The following GRIN1 variants were observed in gnomAD, a reference collection of about 807,000 sequenced individuals.
GRIN1 encodes the protein glutamate receptor ionotropic, NMDA 1.
A neutral mutation model predicts 103.0 loss-of-function variants in GRIN1; 38 were observed. That is an observed-to-expected ratio of 0.37 (90% CI 0.28 to 0.48). The LOEUF is 0.48. Among genes scored for constraint, GRIN1 ranks in the 20% least tolerant of loss-of-function variants. The pLI is 0.98. For synonymous variants in GRIN1, 544 were observed against 532.7 expected, an observed-to-expected ratio of 1.02 and a Z score of -0.29; for missense variants, 577 against 1,288.9, an observed-to-expected ratio of 0.45 and a Z score of 8.46.
intron 4 of GRIN1, among the ~76,000 whole-genome samples, chr9:137,155,638 C>T (rs1371664417): frequency 6.6e-6 from 1 of 152,218 alleles, no homozygotes; most frequent in Non-Finnish European, 1.5e-5. Context: ...GGAGACAGGT[C>T]AGGCCCTGCA....
Position 137,168,745 on chromosome 9 carries a change from G to T in GRIN1, c.*1218G>T. 1 of 820,330 alleles carries T rather than the reference G, an allele frequency of 1.2e-6. No individual in the cohort carries two copies. The highest frequency in any genetic ancestry group is 1.6e-6 in the Non-Finnish European group (1 of 622,342). The allele number at this position is 820,330 out of a possible 1,614,324, so 50.8% of individuals were successfully genotyped here. On this transcript the variant is annotated 3_prime_UTR_variant, in exon 20 of 20. Transcript: ENST00000371561. ...GTGTATGCAGTGGTGATGCCTAAAGGAATGTCACGCAGTTTTCGGTCTGTG... is the reference window on the plus strand; with the variant it reads ...GTGTATGCAGTGGTGATGCCTAAAGTAATGTCACGCAGTTTTCGGTCTGTG...
At chr9:137,150,191 C>T (rs1207897512) in intron 4 of GRIN1, among the ~76,000 whole-genome samples, 1 of 152,216 alleles carries the variant, frequency 6.6e-6, no homozygotes, top group Non-Finnish European at 1.5e-5. Flanking sequence ...CCACTCCACT[C>T]ATCCAACTGC....
chr9:137,161,290 C>G lies in GRIN1; in HGVS notation c.1341C>G (p.Pro447=). ...CAGTTACCGCCCGCACCTACCCAGC[C>G]CGCCACACGGTGCCTCAGTGTTGCT... ...TGPNDTSPGS[P]RHTVPQCCYG... is the part of the protein sequence containing the mutation. Residue 447 remains proline (P), a splice_region_variant and synonymous_variant, in exon 10 of 20, where the codon CCC becomes CCG. Coordinates refer to ENST00000371561, the MANE Select transcript of GRIN1 (RefSeq NM_007327.4). The G allele has an allele frequency of 1.9e-6, 3 of 1,612,378 alleles. No homozygotes were observed. Among genetic ancestry groups the G allele is most frequent in the Non-Finnish European group, 2.5e-6 (3 of 1,179,650 alleles).
intron 15 of GRIN1, 81 bp downstream of exon 15, chr9:137,163,084 C>A: frequency 6.4e-7 from 1 of 1,574,358 alleles, no homozygotes; most frequent in South Asian, 1.1e-5. Context: ...AGGAGAGCGT[C>A]CGGGCCGGGC....
At chr9:137,157,719 C>A (rs1475044138) in intron 6 of GRIN1, among the ~76,000 whole-genome samples, 2 of 152,234 alleles carry the variant, frequency 1.3e-5, no homozygotes, top group African/African-American at 2.4e-5. Context: ...AGCTCACCCC[C>A]AGATCCCCAA....
At chr9:137,147,749 G>A (rs1832630429) in intron 3 of GRIN1, among the ~76,000 whole-genome samples, 1 of 152,254 alleles carries the variant, frequency 6.6e-6, no homozygotes, top group Non-Finnish European at 1.5e-5. Context: ...GGGACATGGG[G>A]ACAGGCCCCG....
chr9:137,146,432 C>T lies in GRIN1; in HGVS notation c.570+530C>T, dbSNP rs1299363847. On this transcript the variant is annotated intron_variant, in intron 3 of 19. Coordinates refer to ENST00000371561, the MANE Select transcript of GRIN1 (RefSeq NM_007327.4). This position sits in a 1 kb window ranked among gnomAD's most constrained non-coding sequence, Gnocchi z 6.7. Reference sequence around the variant, plus strand: ...CAAAGCCCTGTCCACAGACACCTGCCCCCCAGCCTGGACCGCCCCTGTGGG... The same window carrying T: ...CAAAGCCCTGTCCACAGACACCTGCTCCCCAGCCTGGACCGCCCCTGTGGG... 6.6e-6 allele frequency among the ~76,000 whole-genome samples: 1 copy of T among 152,096 alleles called. No individual in the cohort carries two copies. The highest frequency in any genetic ancestry group is 2.1e-4 in the South Asian group (1 of 4,820).
intron 16 of GRIN1, 104 bp downstream of exon 16, chr9:137,163,434 A>G: frequency 1.4e-6 from 2 of 1,480,982 alleles, no homozygotes; most frequent in South Asian, 1.1e-5. Context: ...TTTCCCACCC[A>G]GGCCGGGCGC....
chr9:137,162,787 C>T (rs200076751), intron 14 of GRIN1, 48 bp downstream of exon 14: 44 of 1,602,376 alleles, frequency 2.7e-5, no homozygotes, highest in Admixed American at 8.6e-5. Flanking sequence ...GAGCTGGGGT[C>T]GGCCTCGGTT....
intron 4 of GRIN1, among the ~76,000 whole-genome samples, chr9:137,154,014 G>A (rs1193576562): frequency 6.6e-6 from 1 of 151,762 alleles, no homozygotes. Context: ...GTTTCACCAT[G>A]TTGGCCAGGC....
In GRIN1 at chr9:137,156,653, C is replaced by T. The variant is rs200190690; in HGVS notation, c.672-16C>T. The T allele has an allele frequency of 2.5e-6, 4 of 1,598,988 alleles. No homozygotes were observed. The highest frequency in any genetic ancestry group is 3.4e-6 in the Non-Finnish European group (4 of 1,174,520). ...AGTGCTGGAGTCCTGGCCCGTCATCCCCGTCTGCCCCACAGCGAGGACGAT... is the reference window on the plus strand; with the variant it reads ...AGTGCTGGAGTCCTGGCCCGTCATCTCCGTCTGCCCCACAGCGAGGACGAT... On this transcript the variant is annotated splice_polypyrimidine_tract_variant and intron_variant, in intron 4 of 19. Transcript: ENST00000371561.
Position 137,149,413 on chromosome 9 carries a change from G to A in GRIN1, c.671+304G>A, listed in dbSNP as rs142922263. Reference sequence around the variant, plus strand: ...AGAGACCCTGCCCTTGGGAAGCCCCGCAACTCAAGGGGGCAAACCTGTGCA... The same window carrying A: ...AGAGACCCTGCCCTTGGGAAGCCCCACAACTCAAGGGGGCAAACCTGTGCA... On this transcript the variant is annotated intron_variant, in intron 4 of 19. Coordinates refer to ENST00000371561, the MANE Select transcript of GRIN1 (RefSeq NM_007327.4). Among the ~76,000 whole-genome samples, 248 of 152,342 alleles carry A rather than the reference G, an allele frequency of 1.6e-3. 1 individual carries two copies. Among genetic ancestry groups the A allele is most frequent in the African/African-American group, 5.0e-3 (208 of 41,568 alleles).
intron 19 of GRIN1, 93 bp downstream of exon 19, chr9:137,165,389 CTCCT>C: frequency 2.4e-6 from 2 of 825,438 alleles, no homozygotes; most frequent in Non-Finnish European, 4.2e-6. Flanking sequence ...GGACCCTGGG[CTCCT>C]GTGGCCCACT....
In GRIN1 at chr9:137,161,146, C is replaced by G; in HGVS notation, c.1288C>G (p.Pro430Ala). 1 of 1,612,600 alleles carries G rather than the reference C, an allele frequency of 6.2e-7. No individual in the cohort carries two copies. The highest frequency in any genetic ancestry group is 1.1e-5 in the South Asian group (1 of 91,076). ...CKEEFTVNGD[P>A]VKKVICTGPN... ...GGAGGAGTTCACAGTCAACGGCGAC[C>G]CAGTCAAGAAGGTGATCTGCACCGG... The change falls in exon 9 of 20, where the codon CCA becomes GCA. Residue 430 changes from proline to alanine, a missense_variant. This residue lies in a region of GRIN1 where 96 missense variants were observed against 145.0 expected (regional missense o/e 0.66). Transcript: ENST00000371561.
intron 6 of GRIN1, among the ~76,000 whole-genome samples, chr9:137,157,255 G>T (rs143877162): frequency 6.6e-6 from 1 of 151,542 alleles, no homozygotes; most frequent in Non-Finnish European, 1.5e-5. Context: ...GGGCGGGGTC[G>T]CTTCCAGGAG....
rs1833972659 is a variant in GRIN1 at position 137,168,049 on chromosome 9, T to C, written c.*522T>C. On this transcript the variant is annotated 3_prime_UTR_variant, in exon 20 of 20. Coordinates refer to ENST00000371561, the MANE Select transcript of GRIN1 (RefSeq NM_007327.4). ...GGAGCGGCTGAGGACGGGGCAGAGC[T>C]GAGTCGGCTGGGCAGGGCCGCAGGG... 4.8e-6 allele frequency: 3 copies of C among 619,324 alleles called. No individual in the cohort carries two copies. The highest frequency in any genetic ancestry group is 5.2e-5 in the Admixed American group (2 of 38,698). 38.4% of individuals were successfully genotyped at this position (619,324 alleles called of 1,614,324 possible).
intron 4 of GRIN1, among the ~76,000 whole-genome samples, chr9:137,152,938 G>A (rs1195337208): frequency 6.7e-6 from 1 of 150,174 alleles, no homozygotes; most frequent in African/African-American, 2.5e-5. Context: ...CACACCACAT[G>A]TACCATGCAT....
intron 10 of GRIN1, among the ~76,000 whole-genome samples, chr9:137,161,646 C>T (rs1224888328): frequency 3.9e-5 from 1 of 25,528 alleles, no homozygotes; most frequent in African/African-American, 1.1e-4. Flanking sequence ...ACGTGGGGGT[C>T]GGAGTGGGTG....
rs201557285 is a variant in GRIN1, at chr9:137,161,115, A to G, written c.1257A>G (p.Thr419=). 2.0e-5 allele frequency: 32 copies of G among 1,612,906 alleles called. No homozygotes were observed. The Admixed American group carries it at 3.3e-4, about 17-fold the overall frequency. Residue 419 remains threonine (T), a synonymous_variant, in exon 9 of 20, where the codon ACA becomes ACG. Coordinates refer to ENST00000371561, the MANE Select transcript of GRIN1 (RefSeq NM_007327.4). ...TCAAGCCCACGCTGAGTGATGGGAC[A>G]TGCAAGGAGGAGTTCACAGTCAACG... is the stretch of plus-strand genomic sequence containing the variant. ...VYVKPTLSDG[T]CKEEFTVNGD...
Sources: allele counts gnomAD v4.1 joint callset (sites outside exome capture counted in the v4.1 genomes callset), GRCh38; gene constraint gnomAD v4.1.1; regional missense constraint gnomAD v4.1.1; non-coding constraint Gnocchi (gnomAD v3.1); transcripts MANE v1.5; gene names NCBI Gene and HGNC (gene_info 2026-07-23, HGNC 2026-07-21).